Variants in PARD3 observed in about 807,000 individuals in gnomAD.
The protein encoded by PARD3 is partitioning defective 3 homolog.
PARD3 carries 75 observed loss-of-function variants against 155.4 expected under a neutral mutation model. The ratio of observed to expected loss-of-function variants is 0.48; its 90% CI spans 0.40 to 0.58. The LOEUF (loss-of-function observed/expected upper bound fraction) is 0.58. Ranked by LOEUF, PARD3 falls within the 20% of genes least tolerant of loss-of-function variation. The pLI is 0.00. For synonymous variants in PARD3, 576 were observed against 610.5 expected (o/e 0.94, Z 0.83); for missense variants, 1,642 against 1,721.7 (o/e 0.95, Z 0.82).
rs189479315 is a variant in PARD3, at chr10:34,738,704, C to T, written c.121-42285G>A. ...GGCTGCAGTGAGTGAGCTGTGTTCA[C>T]GCCACCGCACTGCACTCCAGCCTAG... On this transcript the variant is annotated intron_variant, in intron 1 of 24. Coordinates refer to ENST00000374788, the MANE Select transcript of PARD3 (RefSeq NM_001184785.2). Among the ~76,000 whole-genome samples the T allele has an allele frequency of 2.1e-3, 315 of 152,140 alleles. 1 individual carries two copies. The highest frequency in any genetic ancestry group is 7.1e-3 in the African/African-American group (294 of 41,484).
chr10:34,179,372 T>G (rs1249843205), intron 22 of PARD3, among the ~76,000 whole-genome samples: 1 of 152,200 alleles, frequency 6.6e-6, no homozygotes, highest in Non-Finnish European at 1.5e-5. Flanking sequence ...CATTCTTCTA[T>G]TGGGAAAGCA....
chr10:34,298,742 T>C (rs1231116643), intron 20 of PARD3, among the ~76,000 whole-genome samples: 1 of 152,106 alleles, frequency 6.6e-6, no homozygotes, highest in Non-Finnish European at 1.5e-5. Context: ...CAGTGGTAAA[T>C]ATTAGGTATA....
chr10:34,584,536 G>A lies in PARD3; in HGVS notation c.223-67377C>T, dbSNP rs139479418. ...ATCTCTTCTCAAGCTCCTGTGTACA[G>A]TACCTTGAAAAAGAGAGGTACATGG... On this transcript the variant is annotated intron_variant, in intron 2 of 24. Coordinates refer to ENST00000374788, the MANE Select transcript of PARD3 (RefSeq NM_001184785.2). Among the ~76,000 whole-genome samples the A allele has an allele frequency of 3.7e-4, 56 of 152,294 alleles. 1 individual carries two copies. The East Asian group carries it at 0.01, about 28-fold the overall frequency.
intron 2 of PARD3, among the ~76,000 whole-genome samples, chr10:34,602,942 T>C (rs2132515106): frequency 6.6e-6 from 1 of 152,302 alleles, no homozygotes; most frequent in South Asian, 2.1e-4. Flanking sequence ...GTATGTAACA[T>C]CATTAGTACT....
At chr10:34,153,069 C>G (rs1417116561) in intron 22 of PARD3, among the ~76,000 whole-genome samples, 1 of 152,230 alleles carries the variant, frequency 6.6e-6, no homozygotes, top group African/African-American at 2.4e-5. Context: ...TAACATTCAA[C>G]TGCTAAAGTC....
chr10:34,131,101 C>T (rs1416728617), intron 23 of PARD3, among the ~76,000 whole-genome samples: 3 of 152,172 alleles, frequency 2.0e-5, no homozygotes, highest in Admixed American at 6.5e-5. Context: ...TTGTACATTA[C>T]AGGCACAATG....
chr10:34,361,767 A>G (rs1712748648), intron 12 of PARD3, among the ~76,000 whole-genome samples: 1 of 152,136 alleles, frequency 6.6e-6, no homozygotes, highest in South Asian at 2.1e-4. Context: ...GTGCTATCTC[A>G]AAGGATGGCC....
chr10:34,133,719 C>G (rs376195497), intron 22 of PARD3, among the ~76,000 whole-genome samples: 70 of 152,258 alleles, frequency 4.6e-4, no homozygotes, highest in African/African-American at 1.7e-3. Context: ...GGACATAAGT[C>G]TACATATAAT....
At chr10:34,279,955 G>C (rs1047554253) in intron 21 of PARD3, among the ~76,000 whole-genome samples, 1 of 152,152 alleles carries the variant, frequency 6.6e-6, no homozygotes, top group Non-Finnish European at 1.5e-5. Flanking sequence ...GAAGCATTCA[G>C]TATCCCTGGA....
intron 2 of PARD3, among the ~76,000 whole-genome samples, chr10:34,542,205 G>GTT (rs1197471028): frequency 2.7e-4 from 1 of 3,684 alleles, no homozygotes; most frequent in African/African-American, 3.2e-4. Flanking sequence ...TGTTTGGGGT[G>GTT]TGTGTGTGTG....
At chr10:34,423,250 T>C (rs145147999) in intron 5 of PARD3, among the ~76,000 whole-genome samples, 59 of 152,272 alleles carry the variant, frequency 3.9e-4, no homozygotes, top group African/African-American at 1.3e-3. Flanking sequence ...TGATCTCACT[T>C]ATTGTGGAAT....
Position 34,601,203 on chromosome 10 carries a change from C to G in PARD3, c.223-84044G>C, listed in dbSNP as rs532807878. 4.6e-5 allele frequency among the ~76,000 whole-genome samples: 7 copies of G among 150,832 alleles called. No individual in the cohort carries two copies. In the South Asian group the frequency reaches 1.5e-3, roughly 31 times the overall value. ...TGGGAGGCAAAGGCAGGAGAAGGATCACGCCTGAGGGCCAGGAGTTTGAGA... is the reference window on the plus strand; with the variant it reads ...TGGGAGGCAAAGGCAGGAGAAGGATGACGCCTGAGGGCCAGGAGTTTGAGA... On this transcript the variant is annotated intron_variant, in intron 2 of 24. Coordinates refer to ENST00000374788, the MANE Select transcript of PARD3 (RefSeq NM_001184785.2).
chr10:34,185,264 A>G (rs567620735), intron 22 of PARD3, among the ~76,000 whole-genome samples: 32 of 152,332 alleles, frequency 2.1e-4, no homozygotes, highest in African/African-American at 7.7e-4. Flanking sequence ...TTATGTAAGC[A>G]TTGTCCTGGG....
intron 2 of PARD3, among the ~76,000 whole-genome samples, chr10:34,595,395 TA>T (rs911702706): frequency 2.0e-5 from 3 of 152,040 alleles, no homozygotes; most frequent in African/African-American, 4.8e-5. Flanking sequence ...AATGTAAAAA[TA>T]AAAAAAATTT....
chr10:34,535,647 T>C (rs1244975815), intron 2 of PARD3, among the ~76,000 whole-genome samples: 1 of 152,136 alleles, frequency 6.6e-6, no homozygotes, highest in Non-Finnish European at 1.5e-5. Flanking sequence ...GGCTAATTTT[T>C]GTATTTTTAG....
intron 2 of PARD3, among the ~76,000 whole-genome samples, chr10:34,531,934 G>A (rs1489683833): frequency 1.3e-5 from 2 of 152,156 alleles, no homozygotes; most frequent in Non-Finnish European, 2.9e-5. Flanking sequence ...AGGAGATGAT[G>A]AGCATCACAC....
intron 21 of PARD3, among the ~76,000 whole-genome samples, chr10:34,277,044 CT>C (rs1433356194): frequency 6.6e-6 from 1 of 152,132 alleles, no homozygotes; most frequent in Non-Finnish European, 1.5e-5. Context: ...GCAATCAACT[CT>C]TTTGGGAAAC....
chr10:34,253,266 G>A (rs7895484), intron 22 of PARD3, among the ~76,000 whole-genome samples: 4 of 152,252 alleles, frequency 2.6e-5, no homozygotes, highest in African/African-American at 9.6e-5. Context: ...AAGTAGGTGC[G>A]CAACAGATAC....
intron 2 of PARD3, among the ~76,000 whole-genome samples, chr10:34,690,647 G>A (rs1347594644): frequency 6.6e-6 from 1 of 152,100 alleles, no homozygotes; most frequent in Non-Finnish European, 1.5e-5. Flanking sequence ...ACCAGGGCCA[G>A]GCATATCCCA....
Sources: allele counts gnomAD v4.1 joint callset (sites outside exome capture counted in the v4.1 genomes callset), GRCh38; gene constraint gnomAD v4.1.1; transcripts MANE v1.5; gene names NCBI Gene and HGNC (gene_info 2026-07-23, HGNC 2026-07-21).